The following SPOCK1 variants were observed in gnomAD, a reference collection of about 807,000 sequenced individuals.
The protein encoded by SPOCK1 is SPARC (osteonectin), cwcv and kazal like domains proteoglycan 1, also known as testican-1.
SPOCK1 carries 23 observed loss-of-function variants against 55.3 expected under a neutral mutation model. The ratio of observed to expected loss-of-function variants is 0.42; its 90% CI spans 0.30 to 0.59. The LOEUF (loss-of-function observed/expected upper bound fraction) is 0.59. SPOCK1 is among the 20% of genes least tolerant of loss of function. The pLI is 0.22. For synonymous variants in SPOCK1, 226 were observed against 221.0 expected (o/e 1.02, Z -0.20); for missense variants, 499 against 552.5 (o/e 0.90, Z 0.97).
At chr5:137,299,440 C>A (rs1224339842) in intron 2 of SPOCK1, among the ~76,000 whole-genome samples, 1 of 151,620 alleles carries the variant, frequency 6.6e-6, no homozygotes, top group South Asian at 2.1e-4. Context: ...ATATATAGTC[C>A]TGTATACATT....
chr5:137,070,332 A>G (rs949873004), intron 5 of SPOCK1, among the ~76,000 whole-genome samples: 15 of 152,236 alleles, frequency 9.9e-5, no homozygotes, highest in African/African-American at 3.6e-4. Context: ...ATTTGTTATT[A>G]CAGCATAACT....
intron 8 of SPOCK1, among the ~76,000 whole-genome samples, chr5:136,987,399 A>G (rs758685538): frequency 2.0e-5 from 3 of 152,216 alleles, no homozygotes; most frequent in Non-Finnish European, 4.4e-5. Context: ...AGAATGTTTC[A>G]TTTGTACAGA....
At chr5:137,030,669 G>C (rs1275993995) in intron 6 of SPOCK1, among the ~76,000 whole-genome samples, 2 of 152,124 alleles carry the variant, frequency 1.3e-5, no homozygotes, top group Admixed American at 1.3e-4. Context: ...GGGCACTTTT[G>C]GGCAGATATG....
At chr5:137,134,157 C>T (rs866618284) in intron 4 of SPOCK1, among the ~76,000 whole-genome samples, 16 of 152,196 alleles carry the variant, frequency 1.1e-4, no homozygotes, top group African/African-American at 3.9e-4. Context: ...ATTTACACAA[C>T]CTCAACAATC....
chr5:137,356,074 T>C (rs1217671354), intron 2 of SPOCK1, among the ~76,000 whole-genome samples: 2 of 152,198 alleles, frequency 1.3e-5, no homozygotes, highest in African/African-American at 4.8e-5. Context: ...AGCCCTGCCC[T>C]GAGCTCACCC....
At chr5:137,122,255 A>G (rs538896414) in intron 4 of SPOCK1, among the ~76,000 whole-genome samples, 2,052 of 109,650 alleles carry the variant, frequency 0.019, 54 homozygotes, top group African/African-American at 0.084. Context: ...ACACACACAC[A>G]CGCACACACA....
intron 2 of SPOCK1, among the ~76,000 whole-genome samples, chr5:137,324,256 C>T (rs908120366): frequency 2.6e-5 from 4 of 152,058 alleles, no homozygotes; most frequent in Non-Finnish European, 5.9e-5. Context: ...AACAGCCTGG[C>T]CAACATAGTG....
intron 6 of SPOCK1, among the ~76,000 whole-genome samples, chr5:137,030,906 G>T (rs925086661): frequency 6.6e-6 from 1 of 152,136 alleles, no homozygotes; most frequent in African/African-American, 2.4e-5. Flanking sequence ...TCAAAAAACT[G>T]ATTCGAGGGG....
At chr5:137,284,150 G>A (rs1222653603) in intron 2 of SPOCK1, among the ~76,000 whole-genome samples, 1 of 152,194 alleles carries the variant, frequency 6.6e-6, no homozygotes, top group Non-Finnish European at 1.5e-5. Flanking sequence ...TGTTCCAGGT[G>A]ACACCAGGCA....
At chr5:137,250,836 T>C (rs1440065367) in intron 3 of SPOCK1, among the ~76,000 whole-genome samples, 1 of 152,206 alleles carries the variant, frequency 6.6e-6, no homozygotes, top group Non-Finnish European at 1.5e-5. Context: ...GGGCTAAAAC[T>C]GTACAAATCA....
At position 137,152,415 on chromosome 5, in the gene SPOCK1, G is replaced by T. The variant is rs149503283; in HGVS notation, c.233-11721C>A. ...ATGCTAATATAAAACATAAATCAGG[G>T]CTTAACTGCACATGGAAGACAGTTG... is the stretch of plus-strand genomic sequence containing the variant. On this transcript the variant is annotated intron_variant, in intron 3 of 10. Coordinates refer to ENST00000394945, the MANE Select transcript of SPOCK1 (RefSeq NM_004598.4). Among the ~76,000 whole-genome samples the T allele has an allele frequency of 6.8e-4, 104 of 152,242 alleles. 1 individual carries two copies. Among genetic ancestry groups the T allele is most frequent in the African/African-American group, 2.1e-3 (89 of 41,546 alleles).
At chr5:136,987,875 C>A (rs553551711) in intron 8 of SPOCK1, among the ~76,000 whole-genome samples, 152 of 152,316 alleles carry the variant, frequency 1.0e-3, no homozygotes, top group Non-Finnish European at 5.3e-4. Context: ...AGCAGGCCAA[C>A]CTGTCTGACT....
chr5:137,166,721 T>C, intron 3 of SPOCK1, among the ~76,000 whole-genome samples: 1 of 152,100 alleles, frequency 6.6e-6, no homozygotes. Flanking sequence ...TTTGTTTGCT[T>C]ATGCAAGCAG....
At chr5:137,099,160 C>T (rs1010322721) in intron 5 of SPOCK1, among the ~76,000 whole-genome samples, 4 of 152,126 alleles carry the variant, frequency 2.6e-5, no homozygotes, top group Non-Finnish European at 4.4e-5. Flanking sequence ...TCTGACATTC[C>T]TCAGCCTAGA....
At chr5:137,191,887 G>T (rs1290599868) in intron 3 of SPOCK1, among the ~76,000 whole-genome samples, 1 of 152,032 alleles carries the variant, frequency 6.6e-6, no homozygotes, top group Non-Finnish European at 1.5e-5. Flanking sequence ...CTGTCCTTGC[G>T]GAAAAGATAC....
At chr5:137,184,251 A>C (rs1755023493) in intron 3 of SPOCK1, among the ~76,000 whole-genome samples, 1 of 152,234 alleles carries the variant, frequency 6.6e-6, no homozygotes, top group Non-Finnish European at 1.5e-5. Flanking sequence ...ATAAGCACAC[A>C]GTAGACATGA....
In SPOCK1 at chr5:137,276,524, G is replaced by A. The variant is rs1020198224; in HGVS notation, c.187-9469C>T. Among the ~76,000 whole-genome samples the A allele has an allele frequency of 4.6e-5, 7 of 152,324 alleles. No individual in the cohort carries two copies. The South Asian group carries it at 6.2e-4, about 14-fold the overall frequency. ...CCAGGGGCTGGGTGGCCTCACTGCC[G>A]AACCTCAGCACAGCATTCATTTGGC... is the stretch of plus-strand genomic sequence containing the variant. On this transcript the variant is annotated intron_variant, in intron 2 of 10. Transcript: ENST00000394945.
At chr5:137,019,154 T>G (rs1751512215) in intron 6 of SPOCK1, among the ~76,000 whole-genome samples, 1 of 152,214 alleles carries the variant, frequency 6.6e-6, no homozygotes, top group Admixed American at 6.5e-5. Flanking sequence ...CCAATCTTCC[T>G]TAAAATCATT....
At chr5:137,304,169 C>T (rs1006832525) in intron 2 of SPOCK1, among the ~76,000 whole-genome samples, 23 of 152,058 alleles carry the variant, frequency 1.5e-4, no homozygotes, top group African/African-American at 5.3e-4. Flanking sequence ...AATCCACCAC[C>T]TCATCACCTG....
Sources: allele counts gnomAD v4.1 joint callset (sites outside exome capture counted in the v4.1 genomes callset), GRCh38; gene constraint gnomAD v4.1.1; transcripts MANE v1.5; gene names NCBI Gene and HGNC (gene_info 2026-07-23, HGNC 2026-07-21).